The following TMEM177 variants were observed in gnomAD, a reference collection of about 807,000 sequenced individuals.
TMEM177 encodes transmembrane protein 177.
TMEM177 carries 4 observed loss-of-function variants against 14.2 expected under a neutral mutation model. The ratio of observed to expected loss-of-function variants is 0.28; its 90% CI spans 0.14 to 0.64. TMEM177 has a LOEUF of 0.64. Among genes scored for constraint, TMEM177 ranks in the 30% least tolerant of loss-of-function variants. TMEM177 has a pLI of 0.82. For synonymous variants in TMEM177, 179 were observed against 174.5 expected, an observed-to-expected ratio of 1.03 and a Z score of -0.20; for missense variants, 344 against 405.2, an observed-to-expected ratio of 0.85 and a Z score of 1.30.
downstream of TMEM177, chr2:119,685,573 C>T: frequency 1.4e-6 from 1 of 703,178 alleles, no homozygotes; most frequent in East Asian, 2.7e-5. Flanking sequence ...ATCCTCCAGA[C>T]ACTGTGCTAG....
Position 119,681,828 on chromosome 2 carries a change from C to G in TMEM177, c.*39C>G, listed in dbSNP as rs747384978. On this transcript the variant is annotated 3_prime_UTR_variant, in exon 2 of 2. Transcript: ENST00000272521. Reference sequence around the variant, plus strand: ...AGGACACTTCCAGCTTGTGCAGACACCACCCTGCCATTGAGTCTGGAGGGC... The same window carrying G: ...AGGACACTTCCAGCTTGTGCAGACAGCACCCTGCCATTGAGTCTGGAGGGC... 6.4e-7 allele frequency: 1 copy of G among 1,573,564 alleles called. No individual in the cohort carries two copies.
chr2:119,706,326 G>A, the TMEM177 span, among the ~76,000 whole-genome samples: 12 of 152,046 alleles, frequency 7.9e-5, no homozygotes, highest in African/African-American at 2.9e-4. Context: ...GCGCCTGGCC[G>A]AATTCTGGCA....
rs114767141 is a variant in TMEM177, at chr2:119,681,098, C to A, written c.245C>A (p.Pro82His). Residue 82 changes from proline to histidine, a missense_variant, in exon 2 of 2, where the codon CCC becomes CAC. Pro to His is a moderately conservative substitution (Grantham distance 77). Transcript: ENST00000272521. The part of the protein sequence containing the change: ...IGVPSGHCYK[P>H]FTTFTFQPVS... The stretch of plus-strand genomic sequence containing the variant: ...GTTCCTTCAGGCCATTGCTACAAGC[C>A]CTTCACCACCTTCACCTTCCAACCT... The A allele has an allele frequency of 1.2e-6, 2 of 1,614,256 alleles. No individual in the cohort carries two copies. Among genetic ancestry groups the A allele is most frequent in the East Asian group, 2.2e-5 (1 of 44,884 alleles).
downstream of TMEM177, among the ~76,000 whole-genome samples, chr2:119,686,686 C>A (rs1470636151): frequency 6.6e-6 from 1 of 151,586 alleles, no homozygotes. Context: ...CCCACCTCAT[C>A]CCCCTAGTAC....
the TMEM177 span, among the ~76,000 whole-genome samples, chr2:119,696,372 C>T: frequency 6.6e-6 from 1 of 152,296 alleles, no homozygotes; most frequent in East Asian, 1.9e-4. Context: ...TCACGGACCT[C>T]ATGGTGACCA....
At chr2:119,701,423 G>A in the TMEM177 span, among the ~76,000 whole-genome samples, 4 of 152,208 alleles carry the variant, frequency 2.6e-5, no homozygotes, top group East Asian at 5.8e-4. Flanking sequence ...GGAGGTGGCA[G>A]GACCGCGAGT....
the TMEM177 span, among the ~76,000 whole-genome samples, chr2:119,712,140 A>G: frequency 1.3e-5 from 2 of 151,606 alleles, no homozygotes; most frequent in African/African-American, 4.9e-5. Flanking sequence ...GGCTTCCTAG[A>G]TATGTGGTAT....
chr2:119,681,748 C>T lies in TMEM177; in HGVS notation c.895C>T (p.Leu299=), dbSNP rs1447930786. The T allele has an allele frequency of 1.2e-6, 2 of 1,614,116 alleles. No homozygotes were observed. Among genetic ancestry groups the T allele is most frequent in the South Asian group, 2.2e-5 (2 of 91,078 alleles). ...LPYTTRRDSV[L]QMWRGMLNPG... is the part of the protein sequence containing the mutation. ...CTACACCACCCGCCGGGACTCTGTG[C>T]TGCAGATGTGGAGGGGGATGCTCAA... Residue 299 remains leucine, a synonymous_variant, in exon 2 of 2, where the codon CTG becomes TTG. Coordinates refer to ENST00000272521, the MANE Select transcript of TMEM177 (RefSeq NM_030577.3).
At chr2:119,723,263 G>A in the TMEM177 span, among the ~76,000 whole-genome samples, 14 of 152,174 alleles carry the variant, frequency 9.2e-5, no homozygotes, top group Admixed American at 2.6e-4. Flanking sequence ...GTCGCACCCA[G>A]ACTTTACATC....
downstream of TMEM177, among the ~76,000 whole-genome samples, chr2:119,691,459 T>C (rs1161647243): frequency 1.3e-5 from 2 of 152,086 alleles, no homozygotes; most frequent in Non-Finnish European, 2.9e-5. Flanking sequence ...GTGATACTTT[T>C]GGAGATGTCT....
chr2:119,684,839 C>T (rs1238287837), downstream of TMEM177, among the ~76,000 whole-genome samples: 1 of 152,120 alleles, frequency 6.6e-6, no homozygotes, highest in Non-Finnish European at 1.5e-5. Context: ...CACCAGGGAC[C>T]CTGGCTTTAG....
At chr2:119,690,347 G>A (rs569876638), downstream of TMEM177, among the ~76,000 whole-genome samples, 5 of 152,106 alleles carry the variant, frequency 3.3e-5, no homozygotes, top group Admixed American at 6.5e-5. Context: ...CCCAGAAGCC[G>A]TCATGCTTCC....
chr2:119,716,310 C>T, the TMEM177 span, among the ~76,000 whole-genome samples: 1 of 152,208 alleles, frequency 6.6e-6, no homozygotes, highest in Admixed American at 6.5e-5. Flanking sequence ...AAAAACCATC[C>T]CCAGACCCGA....
downstream of TMEM177, among the ~76,000 whole-genome samples, chr2:119,684,243 G>A (rs936272656): frequency 5.3e-5 from 8 of 152,108 alleles, no homozygotes; most frequent in South Asian, 8.3e-4. Context: ...TCCTTGATCT[G>A]GGCTGCGGTC....
At chr2:119,697,171 A>C in the TMEM177 span, among the ~76,000 whole-genome samples, 1 of 152,178 alleles carries the variant, frequency 6.6e-6, no homozygotes, top group African/African-American at 2.4e-5. Flanking sequence ...ACAACAAAAC[A>C]CGGAACCAAA....
At chr2:119,684,098 C>G (rs561074299), downstream of TMEM177, among the ~76,000 whole-genome samples, 3 of 152,332 alleles carry the variant, frequency 2.0e-5, no homozygotes, top group Non-Finnish European at 2.9e-5. Context: ...AGAGACATCC[C>G]CATGCTTTCT....
intron 1 of TMEM177, among the ~76,000 whole-genome samples, chr2:119,680,470 A>T (rs1394354394): frequency 6.6e-6 from 1 of 152,142 alleles, no homozygotes; most frequent in African/African-American, 2.4e-5. Flanking sequence ...TTACCATGGG[A>T]TGAGTGGAAT....
chr2:119,711,288 A>G, the TMEM177 span, among the ~76,000 whole-genome samples: 13 of 152,350 alleles, frequency 8.5e-5, no homozygotes, highest in Non-Finnish European at 1.8e-4. Context: ...ATCTCTAAAA[A>G]GATCTGGAGA....
At chr2:119,717,715 TCTC>T in the TMEM177 span, among the ~76,000 whole-genome samples, 5 of 148,838 alleles carry the variant, frequency 3.4e-5, no homozygotes, top group African/African-American at 5.0e-5. Flanking sequence ...TTCAAGCAAT[TCTC>T]CTGCCTCAGC....
Sources: gnomAD v4.1 joint callset for allele counts (sites outside exome capture counted in the v4.1 genomes callset) on GRCh38, gnomAD v4.1.1 for gene constraint, MANE v1.5 for transcripts, NCBI Gene and HGNC (gene_info 2026-07-23, HGNC 2026-07-21) for gene names.